Variants in ZNF730 observed in about 807,000 individuals in gnomAD.
ZNF730 encodes the protein zinc finger protein 730, also known as putative zinc finger protein 730.
In ZNF730, 12 loss-of-function variants were observed where a neutral mutation model predicts 12.6. The observed-to-expected ratio is 0.95, with a 90% CI of 0.61 to 1.54. The LOEUF (loss-of-function observed/expected upper bound fraction) is 1.54. Among genes scored for constraint, ZNF730 ranks in the 40% most tolerant of loss-of-function variants. ZNF730 has a pLI of 0.00. For missense variants in ZNF730, 643 were observed against 583.5 expected (o/e 1.10, Z -1.05); for synonymous variants, 194 against 195.8 (o/e 0.99, Z 0.08).
At chr19:23,136,945 T>C (rs1599599241) in intron 3 of ZNF730, among the ~76,000 whole-genome samples, 1 of 151,926 alleles carries the variant, frequency 6.6e-6, no homozygotes, top group Non-Finnish European at 1.5e-5. Context: ...CTGAGGCAGG[T>C]GGATCATGAG....
intron 1 of ZNF730, among the ~76,000 whole-genome samples, chr19:23,078,908 G>A (rs565274236): frequency 1.3e-5 from 2 of 151,996 alleles, no homozygotes; most frequent in African/African-American, 4.8e-5. Flanking sequence ...GGGTTCAAGC[G>A]ATTCTCCTGC....
intron 1 of ZNF730, among the ~76,000 whole-genome samples, chr19:23,104,179 C>G (rs1970365459): frequency 6.6e-6 from 1 of 151,612 alleles, no homozygotes; most frequent in African/African-American, 2.4e-5. Flanking sequence ...GCTGGCACCT[C>G]TAGTCTCAGC....
exon 1 of ZNF730, chr19:23,075,371 C>G (rs1485151313): frequency 6.5e-6 from 1 of 154,268 alleles, no homozygotes; most frequent in Non-Finnish European, 1.4e-5. Flanking sequence ...CCAGGGCACC[C>G]TGGAAGCTGT....
intron 1 of ZNF730, among the ~76,000 whole-genome samples, chr19:23,084,517 G>A (rs1020788781): frequency 2.6e-5 from 4 of 152,292 alleles, no homozygotes; most frequent in East Asian, 1.9e-4. Flanking sequence ...ACAAGTGTAC[G>A]TTTGTTGCAC....
chr19:23,128,478 A>G, intron 1 of ZNF730: 1 of 318,500 alleles, frequency 3.1e-6, no homozygotes, highest in African/African-American at 2.1e-5. Context: ...CCCTTGCTCA[A>G]AAGATCGAGT....
At chr19:23,101,189 G>A (rs1465498134) in intron 1 of ZNF730, among the ~76,000 whole-genome samples, 1 of 152,168 alleles carries the variant, frequency 6.6e-6, no homozygotes, top group African/African-American at 2.4e-5. Flanking sequence ...TCTTTTGAAT[G>A]TACACCCAGG....
chr19:23,136,300 A>G (rs763268829), intron 3 of ZNF730, among the ~76,000 whole-genome samples: 51 of 152,146 alleles, frequency 3.4e-4, no homozygotes, highest in Admixed American at 3.3e-4. Context: ...AGTCCATTTC[A>G]TGGCATATAA....
At chr19:23,094,356 CTCTATCTATCTA>C (rs78556330) in intron 1 of ZNF730, among the ~76,000 whole-genome samples, 5 of 148,850 alleles carry the variant, frequency 3.4e-5, no homozygotes, top group South Asian at 2.1e-4. Flanking sequence ...CCATGCCTGG[CTCTATCTATCTA>C]TCTATCTATC....
intron 3 of ZNF730, among the ~76,000 whole-genome samples, chr19:23,141,091 C>T (rs1055333100): frequency 2.0e-5 from 3 of 151,646 alleles, no homozygotes; most frequent in African/African-American, 7.3e-5. Flanking sequence ...ATGGAGACCC[C>T]ATCTTTCCAA....
intron 3 of ZNF730, among the ~76,000 whole-genome samples, chr19:23,137,736 G>C (rs554067528): frequency 1.8e-4 from 28 of 152,170 alleles, no homozygotes; most frequent in Non-Finnish European, 3.7e-4. Context: ...CTTTTGTTGG[G>C]TGCCCAGGGT....
chr19:23,109,039 A>G (rs370225837), intron 1 of ZNF730, among the ~76,000 whole-genome samples: 1 of 152,196 alleles, frequency 6.6e-6, no homozygotes, highest in Non-Finnish European at 1.5e-5. Context: ...GGCATGAGCC[A>G]CAGCACCCAG....
At chr19:23,138,973 C>CCTGTACATTTTTA (rs1420164667) in intron 3 of ZNF730, among the ~76,000 whole-genome samples, 10 of 152,062 alleles carry the variant, frequency 6.6e-5, no homozygotes, top group Non-Finnish European at 1.3e-4. Context: ...TGTCACTCTC[C>CCTGTACATTTTTA]CTGTACATTT....
rs748618778 is a variant in ZNF730 at position 23,146,127 on chromosome 19, T to C, written c.1083T>C (p.Thr361=). The change falls in exon 4 of 4, where the codon ACT becomes ACC. Residue 361 remains threonine, a synonymous_variant. Coordinates refer to ENST00000597761, the MANE Select transcript of ZNF730 (RefSeq NM_001277403.2). The part of the protein sequence containing the change: ...RSSTLNRHKI[T]HTGGKPYKYK... ...CAACCCTTAATAGACATAAGATAAC[T>C]CATACTGGAGGGAAACCCTACAAAT... is the stretch of plus-strand genomic sequence containing the variant. The C allele has an allele frequency of 8.7e-6, 14 of 1,609,244 alleles. No individual in the cohort carries two copies. The South Asian group carries it at 1.3e-4, about 15-fold the overall frequency.
intron 1 of ZNF730, chr19:23,126,674 T>TTTC: frequency 2.0e-6 from 1 of 494,258 alleles, no homozygotes; most frequent in South Asian, 1.6e-5. Context: ...TTTTTTTTTT[T>TTTC]CTGAATGCAG....
intron 1 of ZNF730, among the ~76,000 whole-genome samples, chr19:23,107,489 G>GT (rs1970409548): frequency 8.8e-6 from 1 of 113,012 alleles, no homozygotes; most frequent in Non-Finnish European, 1.8e-5. Flanking sequence ...CCACAGCTCT[G>GT]TTTTTTGTTA....
At chr19:23,083,256 T>C (rs1306241825) in intron 1 of ZNF730, among the ~76,000 whole-genome samples, 1 of 151,910 alleles carries the variant, frequency 6.6e-6, no homozygotes, top group Non-Finnish European at 1.5e-5. Context: ...ACAACCTGCC[T>C]CTACTGAAAA....
chr19:23,079,131 T>A (rs1251440967), intron 1 of ZNF730, among the ~76,000 whole-genome samples: 1 of 151,988 alleles, frequency 6.6e-6, no homozygotes, highest in African/African-American at 2.4e-5. Flanking sequence ...TAATCAATGT[T>A]GTCCCTGCTT....
At chr19:23,131,339 G>T (rs1334617613) in intron 1 of ZNF730, among the ~76,000 whole-genome samples, 1 of 152,150 alleles carries the variant, frequency 6.6e-6, no homozygotes. Flanking sequence ...AACACACAGG[G>T]TGTTATTAAG....
At chr19:23,083,453 G>A (rs1350451633) in intron 1 of ZNF730, among the ~76,000 whole-genome samples, 2 of 152,034 alleles carry the variant, frequency 1.3e-5, no homozygotes, top group Non-Finnish European at 2.9e-5. Flanking sequence ...ATACCCAGTA[G>A]TAACATTACT....
Sources: gnomAD v4.1 joint callset for allele counts (sites outside exome capture counted in the v4.1 genomes callset) on GRCh38, gnomAD v4.1.1 for gene constraint, MANE v1.5 for transcripts, NCBI Gene and HGNC (gene_info 2026-07-23, HGNC 2026-07-21) for gene names.